Variants in LDB1 observed in about 807,000 individuals in gnomAD.
LDB1 encodes LIM domain binding 1.
LDB1 carries 6 observed loss-of-function variants against 49.7 expected under a neutral mutation model. The ratio of observed to expected loss-of-function variants is 0.12; its 90% CI spans 0.07 to 0.24. The LOEUF is 0.24. Among genes scored for constraint, LDB1 ranks in the 10% least tolerant of loss-of-function variants. The pLI, the probability that LDB1 is intolerant of heterozygous loss-of-function variation, is 1.00. For missense variants in LDB1, 341 were observed against 561.7 expected (o/e 0.61, Z 3.97); for synonymous variants, 233 against 202.0 (o/e 1.15, Z -1.30).
rs2068167341 is a variant in LDB1, at chr10:102,106,821, C to G, written c.*1272G>C. ...GTGAAACCCTGCTCCTGGCTGCACC[C>G]TGGCAGAGCCGAGGATCCCGGCTGC... is the stretch of plus-strand genomic sequence containing the variant. On this transcript the variant is annotated 3_prime_UTR_variant, in exon 11 of 11. Coordinates refer to ENST00000673968, the MANE Select transcript of LDB1 (RefSeq NM_001113407.3). 6.6e-6 allele frequency among the ~76,000 whole-genome samples: 1 copy of G among 152,128 alleles called. No homozygotes were observed. Among genetic ancestry groups the G allele is most frequent in the African/African-American group, 2.4e-5 (1 of 41,434 alleles).
chr10:102,109,213 C>A lies in LDB1; in HGVS notation c.857-36G>T. On this transcript the variant is annotated intron_variant, in intron 9 of 10. Coordinates refer to ENST00000673968, the MANE Select transcript of LDB1 (RefSeq NM_001113407.3). This position sits in a 1 kb window ranked among gnomAD's most constrained non-coding sequence, Gnocchi z 5.8. Reference sequence around the variant, plus strand: ...AAACGGAGACTCAGATGGGAGAGGGCCCCAGGTCCCCTATTCTCCATTGTG... The same window carrying A: ...AAACGGAGACTCAGATGGGAGAGGGACCCAGGTCCCCTATTCTCCATTGTG... 1.9e-6 allele frequency: 3 copies of A among 1,612,022 alleles called. No individual in the cohort carries two copies. Among genetic ancestry groups the A allele is most frequent in the South Asian group, 1.1e-5 (1 of 90,980 alleles).
rs2068223419 is a variant in LDB1 at position 102,109,825 on chromosome 10, CTCTG to C, written c.648+92_648+95del. On this transcript the variant is annotated intron_variant, in intron 7 of 10. Coordinates refer to ENST00000673968, the MANE Select transcript of LDB1 (RefSeq NM_001113407.3). The surrounding 1 kb of genome is among the most constrained non-coding windows in gnomAD (Gnocchi z 5.8). ...CTGTTCAGATGAAGAAACCCTAACC[CTCTG>C]TCTAAGTAGTCAGTCGGGAAATGGC... The C allele has an allele frequency of 2.5e-6, 4 of 1,571,994 alleles. No homozygotes were observed. Among genetic ancestry groups the C allele is most frequent in the Admixed American group, 3.4e-5 (2 of 58,438 alleles).
At chr10:102,104,686 C>T (rs1368546998), downstream of LDB1, among the ~76,000 whole-genome samples, 1 of 152,114 alleles carries the variant, frequency 6.6e-6, no homozygotes, top group African/African-American at 2.4e-5. Context: ...GGATGGGGTC[C>T]AGGCCTGGCA....
intron 10 of LDB1, among the ~76,000 whole-genome samples, chr10:102,108,801 T>C (rs1157640842): frequency 6.6e-6 from 1 of 152,204 alleles, no homozygotes; most frequent in Non-Finnish European, 1.5e-5. Context: ...CTCATGGGTG[T>C]CTCTGTCCCT....
intron 2 of LDB1, 58 bp downstream of exon 2, chr10:102,111,376 T>C: frequency 6.3e-7 from 1 of 1,598,138 alleles, no homozygotes; most frequent in African/African-American, 1.3e-5. Flanking sequence ...CTCCCTCCCC[T>C]TTCCAGGCAG....
chr10:102,114,964 C>G, intron 1 of LDB1: 1 of 472,576 alleles, frequency 2.1e-6, no homozygotes, highest in Non-Finnish European at 2.8e-6. Context: ...CCCTGCCTCC[C>G]TCCCTCCCCG....
downstream of LDB1, among the ~76,000 whole-genome samples, chr10:102,102,608 CA>C (rs2068129217): frequency 6.6e-6 from 1 of 152,200 alleles, no homozygotes. Flanking sequence ...AAGTGTGAGT[CA>C]GCTTCCATTC....
rs774536883 is a variant in LDB1, at chr10:102,110,938, T to A, written c.283A>T (p.Thr95Ser). The A allele has an allele frequency of 6.2e-7, 1 of 1,614,076 alleles. No homozygotes were observed. The highest frequency in any genetic ancestry group is 1.3e-5 in the African/African-American group (1 of 74,998). Residue 95 changes from threonine to serine, a missense_variant, in exon 5 of 11, where the codon ACT (threonine) becomes TCT (serine). Around this residue, in one of 5 missense-constraint regions of LDB1, gnomAD observed 233 missense variants for 385.7 expected, o/e 0.60. Transcript: ENST00000673968. ...CDNLWWDAFT[T>S]EFFEDDAMLT... ...ATGGCATCATCCTCAAAGAACTCAGTCGTGAATGCATCCCACCAGAGATTG... is the reference window on the plus strand; with the variant it reads ...ATGGCATCATCCTCAAAGAACTCAGACGTGAATGCATCCCACCAGAGATTG...
rs41307072 is a variant in LDB1, at chr10:102,107,656, C to G, written c.*437G>C. 9 of 171,734 alleles carry G rather than the reference C, an allele frequency of 5.2e-5. No individual in the cohort carries two copies. Among genetic ancestry groups the G allele is most frequent in the Non-Finnish European group, 1.1e-4 (9 of 78,688 alleles). The allele number at this position is 171,734 out of a possible 1,614,324, so 10.6% of individuals were successfully genotyped here. ...GGAGGAGGGGCCCAGAGCTTTACCCCTCTATTACCAGCTGCCTAGGGGAAG... is the reference window on the plus strand; with the variant it reads ...GGAGGAGGGGCCCAGAGCTTTACCCGTCTATTACCAGCTGCCTAGGGGAAG... On this transcript the variant is annotated 3_prime_UTR_variant, in exon 11 of 11. Coordinates refer to ENST00000673968, the MANE Select transcript of LDB1 (RefSeq NM_001113407.3).
intron 1 of LDB1, chr10:102,114,528 C>T (rs981989249): frequency 7.2e-5 from 71 of 985,904 alleles, no homozygotes; most frequent in Non-Finnish European, 7.8e-5. Flanking sequence ...GTGGGACGGG[C>T]AGGCCCGACT....
chr10:102,111,311 G>A lies in LDB1; in HGVS notation c.129-11C>T. The A allele has an allele frequency of 2.5e-6, 4 of 1,613,976 alleles. No individual in the cohort carries two copies. The highest frequency in any genetic ancestry group is 3.4e-6 in the Non-Finnish European group (4 of 1,179,876). On this transcript the variant is annotated splice_polypyrimidine_tract_variant and intron_variant, in intron 2 of 10. Coordinates refer to ENST00000673968, the MANE Select transcript of LDB1 (RefSeq NM_001113407.3). ...TACATGGGAGTTGGGCTGTGTAAAG[G>A]AAGAGGCTATGAGAATGGGGGTTGA...
chr10:102,117,851 G>A lies in LDB1; in HGVS notation c.25+2235C>T, dbSNP rs1428602975. ...TCACCCCAGGAGCAATATGGGTGTT[G>A]GGCATGTGTATGTGTGTATCTTGTG... On this transcript the variant is annotated intron_variant, in intron 1 of 10. Transcript: ENST00000673968. This position sits in a 1 kb window ranked among gnomAD's most constrained non-coding sequence, Gnocchi z 4.2. 2.0e-5 allele frequency among the ~76,000 whole-genome samples: 3 copies of A among 152,186 alleles called. No homozygotes were observed. Among genetic ancestry groups the A allele is most frequent in the Non-Finnish European group, 4.4e-5 (3 of 68,024 alleles).
chr10:102,120,894 C>G (rs928851176), upstream of LDB1, among the ~76,000 whole-genome samples: 2 of 152,158 alleles, frequency 1.3e-5, no homozygotes, highest in East Asian at 3.9e-4. Flanking sequence ...GACTGCAGAC[C>G]CCCTGTCCGT....
intron 1 of LDB1, among the ~76,000 whole-genome samples, chr10:102,119,812 G>GC (rs542012606): frequency 2.1e-4 from 32 of 150,042 alleles, no homozygotes; most frequent in South Asian, 1.1e-3. Flanking sequence ...GAGAATTTCA[G>GC]CCCCCCCCAA....
intron 1 of LDB1, among the ~76,000 whole-genome samples, chr10:102,112,190 A>C (rs530542032): frequency 4.5e-4 from 69 of 152,292 alleles, no homozygotes; most frequent in African/African-American, 1.7e-3. Flanking sequence ...ATATTGATAA[A>C]CCCCCTTTTA....
upstream of LDB1, among the ~76,000 whole-genome samples, chr10:102,120,614 G>T (rs2068407684): frequency 6.6e-6 from 1 of 151,886 alleles, no homozygotes; most frequent in Non-Finnish European, 1.5e-5. Context: ...CCGCGCGGCG[G>T]GCGGGCGGCG....
At chr10:102,102,692 T>A (rs544574136), downstream of LDB1, among the ~76,000 whole-genome samples, 1 of 152,292 alleles carries the variant, frequency 6.6e-6, no homozygotes, top group Non-Finnish European at 1.5e-5. Context: ...ATCTATGACC[T>A]TAGGGTGGGG....
downstream of LDB1, among the ~76,000 whole-genome samples, chr10:102,104,030 C>A (rs2068137053): frequency 6.6e-6 from 1 of 151,888 alleles, no homozygotes; most frequent in Non-Finnish European, 1.5e-5. Context: ...CCACTACACT[C>A]CAGCCTGGGC....
chr10:102,108,564 T>A (rs1411257782), intron 10 of LDB1, among the ~76,000 whole-genome samples: 3 of 152,092 alleles, frequency 2.0e-5, no homozygotes, highest in African/African-American at 7.2e-5. Flanking sequence ...GTCACTCTAC[T>A]CCCCTAGCTC....
Sources: allele counts gnomAD v4.1 joint callset (sites outside exome capture counted in the v4.1 genomes callset), GRCh38; gene constraint gnomAD v4.1.1; regional missense constraint gnomAD v4.1.1; non-coding constraint Gnocchi (gnomAD v3.1); transcripts MANE v1.5; gene names NCBI Gene and HGNC (gene_info 2026-07-23, HGNC 2026-07-21).